Variants in XRCC3 observed in about 807,000 individuals in gnomAD.
XRCC3 encodes the protein X-ray repair cross complementing 3.
In XRCC3, 34 loss-of-function variants were observed where a neutral mutation model predicts 29.2. The observed-to-expected ratio is 1.16, with a 90% CI of 0.88 to 1.55. XRCC3 has a LOEUF of 1.55. Ranked by LOEUF, XRCC3 falls within the 40% of genes most tolerant of loss-of-function variation. The pLI, the probability that XRCC3 is intolerant of heterozygous loss-of-function variation, is 0.00. For synonymous variants in XRCC3, 223 were observed against 211.3 expected, an observed-to-expected ratio of 1.06 and a Z score of -0.48; for missense variants, 463 against 467.6, an observed-to-expected ratio of 0.99 and a Z score of 0.09.
rs753182555 is a variant in XRCC3, at chr14:103,703,178, C to A, written c.556G>T (p.Asp186Tyr). Residue 186 changes from aspartate (D) to tyrosine (Y), a missense_variant, in exon 7 of 10, where the codon GAT becomes TAT. By Grantham distance (160) the Asp-to-Tyr change is radical. Coordinates refer to ENST00000555055, the MANE Select transcript of XRCC3 (RefSeq NM_005432.4). Reference protein sequence around the residue: ...GSQIFIEHVADVDTLLECVNK... With the variant: ...GSQIFIEHVAYVDTLLECVNK... ...GGGGCTTCTCCCACACTCACCACAT[C>A]GGCCACGTGCTCGATGAAGATCTGG... The A allele has an allele frequency of 6.4e-7, 1 of 1,569,070 alleles. No individual in the cohort carries two copies. Among genetic ancestry groups the A allele is most frequent in the Non-Finnish European group, 8.6e-7 (1 of 1,156,986 alleles).
intron 6 of XRCC3, chr14:103,706,739 C>G (rs1435723076): frequency 1.9e-6 from 1 of 538,744 alleles, no homozygotes; most frequent in Middle Eastern, 5.0e-4. Flanking sequence ...CAGCCAGCGA[C>G]CCCTGGGGGC....
intron 4 of XRCC3, chr14:103,710,523 G>C (rs1487357973): frequency 6.5e-6 from 1 of 153,510 alleles, no homozygotes; most frequent in South Asian, 2.0e-4. Flanking sequence ...GGCGGATCAC[G>C]AGGTCAGGAG....
At chr14:103,708,986 C>T (rs781527135) in intron 4 of XRCC3, 46 of 369,346 alleles carry the variant, frequency 1.2e-4, no homozygotes, top group African/African-American at 5.1e-4. Context: ...TGAGAAGAAA[C>T]GACAGGCACC....
intron 4 of XRCC3, 102 bp downstream of exon 4, chr14:103,710,929 TAG>T (rs1181855831): frequency 1.8e-6 from 2 of 1,123,078 alleles, no homozygotes; most frequent in East Asian, 5.0e-5. Flanking sequence ...ATAATCAGGG[TAG>T]GCAAAGGAAG....
rs545728746 is a variant in XRCC3, at chr14:103,698,710, T to G, written c.*88A>C. The G allele has an allele frequency of 2.7e-4, 338 of 1,240,706 alleles. 5 individuals carry two copies. In the South Asian group the frequency reaches 4.1e-3, roughly 15 times the overall value. 76.9% of individuals were successfully genotyped at this position (1,240,706 alleles called of 1,614,324 possible). On this transcript the variant is annotated 3_prime_UTR_variant, in exon 10 of 10. Coordinates refer to ENST00000555055, the MANE Select transcript of XRCC3 (RefSeq NM_005432.4). ...TGTGTCTGAACCAGGCTCCCAGCTG[T>G]GCCACGGCCCAGGCAGACGCGTTTT...
chr14:103,703,082 T>C, intron 7 of XRCC3, 91 bp downstream of exon 7: 1 of 1,525,436 alleles, frequency 6.6e-7, no homozygotes, highest in South Asian at 1.2e-5. Context: ...CCTGCCCTGC[T>C]GTGAGACCCC....
rs1567050861 is a variant in XRCC3, at chr14:103,700,786, C to A, written c.562-1210G>T. 3.7e-6 allele frequency: 5 copies of A among 1,362,552 alleles called. No homozygotes were observed. In the Admixed American group the frequency reaches 8.6e-5, roughly 23 times the overall value. The allele number at this position is 1,362,552 out of a possible 1,614,324, so 84.4% of individuals were successfully genotyped here. A position where few individuals can be genotyped will look rare whatever the true frequency, so the allele number is the denominator to read the frequency against. ...GCAGCTGGGCCAGGGAGGGACTTTGCACATGCAGGGACTGGGGGGAGCTGG... is the reference window on the plus strand; with the variant it reads ...GCAGCTGGGCCAGGGAGGGACTTTGAACATGCAGGGACTGGGGGGAGCTGG... On this transcript the variant is annotated intron_variant, in intron 7 of 9. Transcript: ENST00000555055.
Position 103,703,336 on chromosome 14 carries a change from C to T in XRCC3, c.407-9G>A, listed in dbSNP as rs1363087041. 6.5e-7 allele frequency: 1 copy of T among 1,545,116 alleles called. No homozygotes were observed. Among genetic ancestry groups the T allele is most frequent in the African/African-American group, 1.4e-5 (1 of 73,372 alleles). ...GCAGATGTAGACGGCTCCTGGGAAG[C>T]AAGAGTGCCTGATGTGCCCAGGGGA... On this transcript the variant is annotated splice_polypyrimidine_tract_variant and intron_variant, in intron 6 of 9. Transcript: ENST00000555055.
In XRCC3 at chr14:103,707,037, C is replaced by T; in HGVS notation, c.372G>A (p.Val124=). The T allele has an allele frequency of 1.9e-6, 3 of 1,567,104 alleles. No homozygotes were observed. The highest frequency in any genetic ancestry group is 1.2e-5 in the South Asian group (1 of 85,682). Residue 124 remains valine (V), a synonymous_variant, in exon 6 of 10, where the codon GTG becomes GTA. Coordinates refer to ENST00000555055, the MANE Select transcript of XRCC3 (RefSeq NM_005432.4). ...TQLALQLCLA[V]QFPRQHGGLE... ...GGCCTCCGTGCTGCCGCGGGAACTG[C>T]ACAGCCAGGCAGAGCTGCAGCGCCA...
chr14:103,714,186 T>C (rs545690773), intron 1 of XRCC3: 3 of 152,478 alleles, frequency 2.0e-5, no homozygotes, highest in African/African-American at 4.8e-5. Context: ...TCCTCCCCTC[T>C]GAGCACTGTG....
chr14:103,711,455 G>A lies in XRCC3; in HGVS notation c.-159+11C>T. 2.0e-6 allele frequency: 1 copy of A among 497,448 alleles called. No individual in the cohort carries two copies. Among genetic ancestry groups the A allele is most frequent in the South Asian group, 1.5e-5 (1 of 64,962 alleles). The allele number at this position is 497,448 out of a possible 1,614,324, so 30.8% of individuals were successfully genotyped here. A position where few individuals can be genotyped will look rare whatever the true frequency, so the allele number is the denominator to read the frequency against. ...TCCTCCTGCAGCAGTTGAGTGCCCT[G>A]CCCGACTCACCTCTCTGGGGCTTGG... On this transcript the variant is annotated intron_variant, in intron 3 of 9. Transcript: ENST00000555055.
At chr14:103,699,889 A>T (rs1448159692) in intron 7 of XRCC3, 1 of 421,808 alleles carries the variant, frequency 2.4e-6, no homozygotes, top group Non-Finnish European at 4.5e-6. Flanking sequence ...CAGGCTCCTG[A>T]GTCCTTGCGG....
In XRCC3 at chr14:103,699,164, C is replaced by A; in HGVS notation, c.790G>T (p.Glu264Ter). ...LCINQVTEAMEEQGAAHGPLG... is the reference protein window; with the variant it reads ...LCINQVTEAM ...GGCCCGTGTGCTGCGCCCTGCTCCT[C>A]CATGGCCTCTGTCACCTGGAAGAGC... The change falls in exon 9 of 10, where the codon GAG becomes TAG. Residue 264 changes from glutamate to a stop codon, truncating the protein, a stop_gained. Transcript: ENST00000555055. LOFTEE classifies it low-confidence loss of function (END_TRUNC). 6.4e-7 allele frequency: 1 copy of A among 1,568,778 alleles called. No homozygotes were observed. The highest frequency in any genetic ancestry group is 2.3e-5 in the East Asian group (1 of 42,630).
In XRCC3 at chr14:103,703,241, C is replaced by T. The variant is rs143171186; in HGVS notation, c.493G>A (p.Val165Ile). 1.8e-4 allele frequency: 288 copies of T among 1,564,814 alleles called. No individual in the cohort carries two copies. Among genetic ancestry groups the T allele is most frequent in the Non-Finnish European group, 2.4e-4 (275 of 1,155,450 alleles). The change falls in exon 7 of 10, where the codon GTT (valine) becomes ATT (isoleucine). Residue 165 changes from valine (V) to isoleucine (I), a missense_variant. Physicochemically the swap from Val to Ile is conservative, Grantham distance 29 (BLOSUM62 3). Transcript: ENST00000555055. ...MAQQPRLRTD[V>I]PGELLQKLRF... Reference sequence around the variant, plus strand: ...AGCTTCTGAAGCAGCTCTCCTGGAACGTCAGTGCGCAGCCGCGGCTGCTGG... The same window carrying T: ...AGCTTCTGAAGCAGCTCTCCTGGAATGTCAGTGCGCAGCCGCGGCTGCTGG...
chr14:103,703,056 C>A, intron 7 of XRCC3, 117 bp downstream of exon 7: 1 of 1,470,542 alleles, frequency 6.8e-7, no homozygotes, highest in Non-Finnish European at 9.2e-7. Context: ...GTGTTCAGAG[C>A]TGAGCCCCAA....
intron 6 of XRCC3, chr14:103,706,566 C>T (rs1255445418): frequency 5.3e-6 from 2 of 380,400 alleles, no homozygotes; most frequent in Non-Finnish European, 5.2e-6. Flanking sequence ...AGGGAACCCT[C>T]GTTTCACAGA....
intron 4 of XRCC3, 82 bp downstream of exon 4, chr14:103,710,951 G>A (rs2083606399): frequency 7.0e-7 from 1 of 1,438,568 alleles, no homozygotes; most frequent in Non-Finnish European, 9.8e-7. Context: ...GGAAGGCTTA[G>A]CCAGCCAGCG....
At chr14:103,714,799 C>A (rs2083752542) in intron 1 of XRCC3, among the ~76,000 whole-genome samples, 1 of 152,158 alleles carries the variant, frequency 6.6e-6, no homozygotes, top group Non-Finnish European at 1.5e-5. Flanking sequence ...AATTCTCCTG[C>A]CTCAGCCTCC....
rs1289795011 is a variant in XRCC3, at chr14:103,698,722, G to A, written c.*76C>T. On this transcript the variant is annotated 3_prime_UTR_variant, in exon 10 of 10. Coordinates refer to ENST00000555055, the MANE Select transcript of XRCC3 (RefSeq NM_005432.4). ...AGGCTCCCAGCTGTGCCACGGCCCA[G>A]GCAGACGCGTTTTAAAGGCCCGAGC... 3.7e-6 allele frequency: 5 copies of A among 1,361,752 alleles called. No individual in the cohort carries two copies. The highest frequency in any genetic ancestry group is 5.1e-6 in the Non-Finnish European group (5 of 977,862). 84.4% of individuals were successfully genotyped at this position (1,361,752 alleles called of 1,614,324 possible).
Sources: allele counts gnomAD v4.1 joint callset (sites outside exome capture counted in the v4.1 genomes callset), GRCh38; gene constraint gnomAD v4.1.1; transcripts MANE v1.5; gene names NCBI Gene and HGNC (gene_info 2026-07-23, HGNC 2026-07-21).